CHN2: variants seen among roughly 807,000 people sequenced by gnomAD.
CHN2 encodes the protein beta-chimaerin.
A neutral mutation model predicts 56.3 loss-of-function variants in CHN2; 35 were observed. The observed-to-expected ratio is 0.62, with a 90% CI of 0.47 to 0.82. The LOEUF is 0.82. Among genes scored for constraint, CHN2 ranks in the 40% least tolerant of loss-of-function variants. The pLI is 0.00. For missense variants in CHN2, 491 were observed against 580.5 expected (o/e 0.85, Z 1.58); for synonymous variants, 210 against 212.8 (o/e 0.99, Z 0.12).
intron 2 of CHN2, among the ~76,000 whole-genome samples, chr7:29,365,340 G>A (rs1191445079): frequency 6.6e-6 from 1 of 152,210 alleles, no homozygotes; most frequent in African/African-American, 2.4e-5. Context: ...GCAAAAACAA[G>A]CATGATCCCT....
chr7:29,496,621 T>A (rs1430385646), intron 8 of CHN2, among the ~76,000 whole-genome samples: 1 of 152,214 alleles, frequency 6.6e-6, no homozygotes, highest in African/African-American at 2.4e-5. Context: ...ATGCTCAGTA[T>A]CTCATTGTCA....
chr7:29,242,524 T>A (rs894926127), intron 1 of CHN2, among the ~76,000 whole-genome samples: 1 of 152,138 alleles, frequency 6.6e-6, no homozygotes, highest in African/African-American at 2.4e-5. Context: ...AATGGGCTTC[T>A]CAGTTTTTTA....
At chr7:29,471,906 C>G (rs971050299) in intron 6 of CHN2, among the ~76,000 whole-genome samples, 7 of 152,220 alleles carry the variant, frequency 4.6e-5, no homozygotes, top group Admixed American at 2.0e-4. Flanking sequence ...GGCGCCATGG[C>G]AATGTGTTTG....
At chr7:29,293,361 TG>T (rs1792811145) in intron 1 of CHN2, among the ~76,000 whole-genome samples, 2 of 49,854 alleles carry the variant, frequency 4.0e-5, no homozygotes, top group African/African-American at 8.8e-5. Flanking sequence ...GGGCAGCTAA[TG>T]CCCCCCCCCC....
intron 1 of CHN2, among the ~76,000 whole-genome samples, chr7:29,241,290 G>A (rs1013606378): frequency 1.3e-5 from 2 of 152,088 alleles, no homozygotes; most frequent in African/African-American, 4.8e-5. Flanking sequence ...GGTTTTATTG[G>A]GTGAAAAGGA....
At chr7:29,170,588 A>G (rs1221137618) in intron 2 of CHN2, among the ~76,000 whole-genome samples, 2 of 152,230 alleles carry the variant, frequency 1.3e-5, no homozygotes, top group African/African-American at 4.8e-5. Flanking sequence ...ATTACATGAC[A>G]AATGTATGTC....
chr7:29,151,794 A>T (rs1036439145), intron 2 of CHN2, among the ~76,000 whole-genome samples: 2 of 152,150 alleles, frequency 1.3e-5, no homozygotes, highest in African/African-American at 4.8e-5. Flanking sequence ...CTTCTCATGT[A>T]TGGGAAGAGA....
intron 1 of CHN2, chr7:29,292,924 G>A (rs1792755911): frequency 2.2e-6 from 1 of 456,238 alleles, no homozygotes. Flanking sequence ...CCTCTCTTCA[G>A]TCTATTCTGA....
intron 3 of CHN2, among the ~76,000 whole-genome samples, chr7:29,374,855 C>CCTTCCTTCCTG (rs1562557554): frequency 1.4e-5 from 1 of 69,792 alleles, no homozygotes; most frequent in East Asian, 3.1e-4. Context: ...CTTCCTGCCT[C>CCTTCCTTCCTG]CCTCCCTCCC....
intron 1 of CHN2, among the ~76,000 whole-genome samples, chr7:29,273,335 A>ATATATATGTGTATATATATATG (rs1790827045): frequency 1.2e-5 from 1 of 86,550 alleles, no homozygotes; most frequent in African/African-American, 7.1e-5. Context: ...GCATATATAT[A>ATATATATGTGTATATATATATG]TATATGTGTA....
chr7:29,388,746 C>T (rs1313114479), intron 3 of CHN2, among the ~76,000 whole-genome samples: 1 of 152,138 alleles, frequency 6.6e-6, no homozygotes, highest in Non-Finnish European at 1.5e-5. Context: ...CACTTATGGC[C>T]TCATCTGGTT....
intron 2 of CHN2, among the ~76,000 whole-genome samples, chr7:29,355,679 G>A (rs56178102): frequency 6.6e-6 from 1 of 150,814 alleles, no homozygotes; most frequent in Non-Finnish European, 1.5e-5. Flanking sequence ...AGCTGCCAGG[G>A]TTACCACTCC....
chr7:29,399,919 C>T (rs1298832183), intron 5 of CHN2, among the ~76,000 whole-genome samples: 2 of 152,010 alleles, frequency 1.3e-5, no homozygotes, highest in East Asian at 3.9e-4. Flanking sequence ...AGGTCAGGGC[C>T]CAGAGAGGAG....
At chr7:29,221,949 T>C (rs925119389) in intron 1 of CHN2, among the ~76,000 whole-genome samples, 1 of 152,230 alleles carries the variant, frequency 6.6e-6, no homozygotes, top group African/African-American at 2.4e-5. Flanking sequence ...TATCATAGAA[T>C]GATTTATATT....
At chr7:29,424,235 T>G (rs1804625047) in intron 6 of CHN2, among the ~76,000 whole-genome samples, 1 of 151,280 alleles carries the variant, frequency 6.6e-6, no homozygotes. Flanking sequence ...CCATGCAACC[T>G]CCCACATTGC....
At chr7:29,410,791 GTGAGACATA>G (rs1803133902) in intron 6 of CHN2, among the ~76,000 whole-genome samples, 1 of 152,164 alleles carries the variant, frequency 6.6e-6, no homozygotes, top group Non-Finnish European at 1.5e-5. Context: ...GTTGAAAGTA[GTGAGACATA>G]GTAAAAGTTG....
In CHN2 at chr7:29,476,588, C is replaced by G. The variant is rs113076470; in HGVS notation, c.577-3691C>G. 2.1e-3 allele frequency among the ~76,000 whole-genome samples: 310 copies of G among 150,806 alleles called. 1 individual carries two copies. The highest frequency in any genetic ancestry group is 7.1e-3 in the African/African-American group (291 of 40,980). The stretch of plus-strand genomic sequence containing the variant: ...AAAAAAAAAAATACACATATATATG[C>G]AAAGCGCTGAGTATAACACTTGGCA... On this transcript the variant is annotated intron_variant, in intron 6 of 12. Transcript: ENST00000222792.
rs117937585 is a variant in CHN2, at chr7:29,401,559, T to A, written c.576+731T>A. On this transcript the variant is annotated intron_variant, in intron 6 of 12. Coordinates refer to ENST00000222792, the MANE Select transcript of CHN2 (RefSeq NM_004067.4). ...CTTAGGACTGGGTGACTGCCCATGA[T>A]CCACAGGTCAGGTCTCTTGAAGGTG... Among the ~76,000 whole-genome samples the A allele has an allele frequency of 9.5e-3, 1,448 of 152,300 alleles. 14 individuals are homozygous for A. The highest frequency in any genetic ancestry group is 0.014 in the Non-Finnish European group (933 of 68,020).
At chr7:29,477,330 T>A (rs1240312153) in intron 6 of CHN2, among the ~76,000 whole-genome samples, 1 of 151,232 alleles carries the variant, frequency 6.6e-6, no homozygotes, top group Non-Finnish European at 1.5e-5. Context: ...CTGTCACAAA[T>A]GGAAATAAAA....
Sources: allele counts gnomAD v4.1 joint callset (sites outside exome capture counted in the v4.1 genomes callset), GRCh38; gene constraint gnomAD v4.1.1; transcripts MANE v1.5; gene names NCBI Gene and HGNC (gene_info 2026-07-23, HGNC 2026-07-21).